Variants in PPP1R14C observed in about 807,000 individuals in gnomAD.
PPP1R14C encodes protein phosphatase 1 regulatory inhibitor subunit 14C.
PPP1R14C carries 16 observed loss-of-function variants against 20.4 expected under a neutral mutation model. That is an observed-to-expected ratio of 0.78 (90% CI 0.53 to 1.19). The LOEUF (loss-of-function observed/expected upper bound fraction) is 1.19. PPP1R14C is among the 50% of genes most tolerant of loss of function. PPP1R14C has a pLI of 0.00. For synonymous variants in PPP1R14C, 91 were observed against 91.0 expected, an observed-to-expected ratio of 1.00 and a Z score of 0.00; for missense variants, 211 against 220.1, an observed-to-expected ratio of 0.96 and a Z score of 0.26.
chr6:150,206,496 C>T (rs1777952469), intron 1 of PPP1R14C, among the ~76,000 whole-genome samples: 1 of 152,104 alleles, frequency 6.6e-6, no homozygotes, highest in Non-Finnish European at 1.5e-5. Flanking sequence ...TCTGACGTAA[C>T]CCGTGATGTG....
intron 3 of PPP1R14C, among the ~76,000 whole-genome samples, chr6:150,242,733 A>C (rs1244657415): frequency 6.6e-6 from 1 of 152,232 alleles, no homozygotes; most frequent in East Asian, 1.9e-4. Flanking sequence ...AAGAAATACA[A>C]GGCTTCTAAA....
intron 1 of PPP1R14C, among the ~76,000 whole-genome samples, chr6:150,182,186 T>C (rs1777629226): frequency 5.3e-5 from 8 of 152,226 alleles, no homozygotes; most frequent in Admixed American, 5.2e-4. Context: ...GTAGTGGTCA[T>C]GGGCATGCAC....
chr6:150,176,048 T>G (rs911604802), intron 1 of PPP1R14C, among the ~76,000 whole-genome samples: 9 of 152,218 alleles, frequency 5.9e-5, no homozygotes. Context: ...AGTGAGCTGA[T>G]GTGATCTTGT....
intron 3 of PPP1R14C, among the ~76,000 whole-genome samples, chr6:150,243,247 C>T (rs1333868308): frequency 6.7e-6 from 1 of 148,172 alleles, no homozygotes; most frequent in African/African-American, 2.5e-5. Flanking sequence ...ACAATCTTGG[C>T]TCACTGCAAC....
chr6:150,197,674 C>T (rs1039702262), intron 1 of PPP1R14C, among the ~76,000 whole-genome samples: 19 of 152,056 alleles, frequency 1.2e-4, no homozygotes, highest in African/African-American at 3.6e-4. Context: ...TGTCCCTGCC[C>T]GCCACGGTGG....
At chr6:150,235,789 T>C (rs1778352683) in intron 3 of PPP1R14C, among the ~76,000 whole-genome samples, 1 of 152,170 alleles carries the variant, frequency 6.6e-6, no homozygotes, top group Non-Finnish European at 1.5e-5. Context: ...TACTGAGGGC[T>C]CTGGAGATTT....
rs901959856 is a variant in PPP1R14C, at chr6:150,156,049, A to G, written c.306+12551A>G. Reference sequence around the variant, plus strand: ...CAAAAAAAAAAAAAAAAAAAAAAAAAAAAGAAAGAAAGAAAAAGAAAAATT... The same window carrying G: ...CAAAAAAAAAAAAAAAAAAAAAAAAGAAAGAAAGAAAGAAAAAGAAAAATT... On this transcript the variant is annotated intron_variant, in intron 1 of 3. Coordinates refer to ENST00000361131, the MANE Select transcript of PPP1R14C (RefSeq NM_030949.3). Among the ~76,000 whole-genome samples the G allele has an allele frequency of 4.2e-4, 63 of 149,628 alleles. No individual in the cohort carries two copies. The South Asian group carries it at 4.9e-3, about 12-fold the overall frequency.
intron 1 of PPP1R14C, among the ~76,000 whole-genome samples, chr6:150,199,698 C>A (rs547443707): frequency 6.6e-6 from 1 of 151,972 alleles, no homozygotes; most frequent in Admixed American, 6.6e-5. Context: ...AGTGAGATGC[C>A]ATCTCTGCAA....
rs78039179 is a variant in PPP1R14C, at chr6:150,214,729, C to T, written c.307-15C>T. On this transcript the variant is annotated splice_polypyrimidine_tract_variant and intron_variant, in intron 1 of 3. Coordinates refer to ENST00000361131, the MANE Select transcript of PPP1R14C (RefSeq NM_030949.3). ...ACTAAATTAAATGCCTTCATATCCT[C>T]CCACTGCCCCCCAGGAAGAAGAAAT... The T allele has an allele frequency of 0.015, 24,475 of 1,606,666 alleles. 252 individuals are homozygous for T. The highest frequency in any genetic ancestry group is 0.016 in the Non-Finnish European group (19,335 of 1,173,754).
chr6:150,208,801 T>C lies in PPP1R14C; in HGVS notation c.307-5943T>C, dbSNP rs779606182. ...CAACAATTAACATAATTCTGCTTGA[T>C]GCCAATGTGTAAACACAGAGCAGCC... On this transcript the variant is annotated intron_variant, in intron 1 of 3. Transcript: ENST00000361131. 4.1e-4 allele frequency among the ~76,000 whole-genome samples: 62 copies of C among 152,214 alleles called. 1 individual carries two copies. Among genetic ancestry groups the C allele is most frequent in the Non-Finnish European group, 1.2e-4 (8 of 68,040 alleles).
intron 1 of PPP1R14C, among the ~76,000 whole-genome samples, chr6:150,182,441 C>T (rs1268276342): frequency 1.3e-5 from 2 of 152,178 alleles, no homozygotes; most frequent in East Asian, 3.8e-4. Flanking sequence ...AGATGGCTGT[C>T]ATCTTGCTGT....
chr6:150,196,017 G>T, intron 1 of PPP1R14C: 1 of 985,460 alleles, frequency 1.0e-6, no homozygotes, highest in Non-Finnish European at 1.2e-6. Flanking sequence ...GTCTCAGTGA[G>T]TGGGGGACTG....
intron 1 of PPP1R14C, among the ~76,000 whole-genome samples, chr6:150,164,226 C>T (rs919036382): frequency 6.6e-6 from 1 of 152,160 alleles, no homozygotes; most frequent in African/African-American, 2.4e-5. Context: ...GAAAAAACAA[C>T]AACTTTGGGT....
In PPP1R14C at chr6:150,236,318, G is replaced by T. The variant is rs148355045; in HGVS notation, c.424-12428G>T. ...AGTCCCTGACAGATACTCAGTACCC[G>T]CGAGAGCACGGTACTGTGCCAAGCA... On this transcript the variant is annotated intron_variant, in intron 3 of 3. Coordinates refer to ENST00000361131, the MANE Select transcript of PPP1R14C (RefSeq NM_030949.3). Among the ~76,000 whole-genome samples, 3 of 150,684 alleles carry T rather than the reference G, an allele frequency of 2.0e-5. No individual in the cohort carries two copies. In the East Asian group the frequency reaches 5.8e-4, roughly 29 times the overall value.
chr6:150,144,088 C>T (rs936006174), intron 1 of PPP1R14C, among the ~76,000 whole-genome samples: 3 of 152,260 alleles, frequency 2.0e-5, no homozygotes, highest in Non-Finnish European at 4.4e-5. Context: ...CATAATTCCG[C>T]CCTGCATTAT....
chr6:150,221,364 G>A (rs1264875126), intron 3 of PPP1R14C, among the ~76,000 whole-genome samples: 2 of 152,118 alleles, frequency 1.3e-5, no homozygotes, highest in Non-Finnish European at 2.9e-5. Flanking sequence ...TTTCCAATCT[G>A]CCAGTCTTCC....
chr6:150,160,632 A>G (rs1015653979), intron 1 of PPP1R14C, among the ~76,000 whole-genome samples: 5 of 152,132 alleles, frequency 3.3e-5, no homozygotes, highest in African/African-American at 4.8e-5. Flanking sequence ...CATAATTTAT[A>G]TGGAATTCTT....
chr6:150,242,215 C>G (rs564745827), intron 3 of PPP1R14C, among the ~76,000 whole-genome samples: 46 of 152,242 alleles, frequency 3.0e-4, no homozygotes, highest in Admixed American at 6.5e-4. Flanking sequence ...GAAATTCTAC[C>G]AACTCTACAT....
chr6:150,220,829 C>T (rs1778158306), intron 3 of PPP1R14C, among the ~76,000 whole-genome samples: 1 of 152,204 alleles, frequency 6.6e-6, no homozygotes, highest in Non-Finnish European at 1.5e-5. Flanking sequence ...TAGTTAGGAG[C>T]CATGCTGTTC....
Sources: gnomAD v4.1 joint callset for allele counts (sites outside exome capture counted in the v4.1 genomes callset) on GRCh38, gnomAD v4.1.1 for gene constraint, MANE v1.5 for transcripts, NCBI Gene and HGNC (gene_info 2026-07-23, HGNC 2026-07-21) for gene names.